Variants in PITPNA observed in about 807,000 individuals in gnomAD.
PITPNA encodes the protein phosphatidylinositol transfer protein alpha isoform.
PITPNA carries 13 observed loss-of-function variants against 50.3 expected under a neutral mutation model. The ratio of observed to expected loss-of-function variants is 0.26; its 90% CI spans 0.17 to 0.41. The LOEUF (loss-of-function observed/expected upper bound fraction) is 0.41, where lower values mean the gene tolerates loss of function less well. Among genes scored for constraint, PITPNA ranks in the 10% least tolerant of loss-of-function variants. The pLI, the probability that PITPNA is intolerant of heterozygous loss-of-function variation, is 1.00. For missense variants in PITPNA, 207 were observed against 333.4 expected, an observed-to-expected ratio of 0.62 and a Z score of 2.95; for synonymous variants, 120 against 119.6, an observed-to-expected ratio of 1.00 and a Z score of -0.02.
chr17:1,526,786 A>G (rs1257922815), intron 10 of PITPNA, among the ~76,000 whole-genome samples: 1 of 152,182 alleles, frequency 6.6e-6, no homozygotes, highest in Admixed American at 6.5e-5. Flanking sequence ...GTTTTTTGAG[A>G]CGGAGTCTTG....
chr17:1,521,853 T>G (rs1229314616), intron 10 of PITPNA, among the ~76,000 whole-genome samples: 11 of 150,294 alleles, frequency 7.3e-5, no homozygotes, highest in African/African-American at 2.7e-4. Flanking sequence ...AGTTCTCTCG[T>G]GTCACGGTGT....
intron 5 of PITPNA, among the ~76,000 whole-genome samples, chr17:1,541,959 G>A (rs553657989): frequency 6.6e-6 from 1 of 152,214 alleles, no homozygotes; most frequent in African/African-American, 2.4e-5. Flanking sequence ...CAGCACTTTG[G>A]GAGGCCGAGG....
intron 2 of PITPNA, among the ~76,000 whole-genome samples, chr17:1,557,033 C>T (rs879417616): frequency 6.6e-6 from 1 of 152,184 alleles, no homozygotes; most frequent in Admixed American, 6.5e-5. Flanking sequence ...GCCCAGGCAC[C>T]TGGTTCTCAG....
chr17:1,549,195 C>G (rs1038145499), intron 3 of PITPNA, among the ~76,000 whole-genome samples: 1 of 151,902 alleles, frequency 6.6e-6, no homozygotes, highest in African/African-American at 2.4e-5. Context: ...CATGAGCCAC[C>G]GCGCCCGGTC....
At chr17:1,532,128 C>T (rs1234788927) in intron 10 of PITPNA, among the ~76,000 whole-genome samples, 2 of 152,182 alleles carry the variant, frequency 1.3e-5, no homozygotes, top group East Asian at 3.8e-4. Flanking sequence ...TGCTCTGTCG[C>T]CCAGGCTGGA....
rs374878509 is a variant in PITPNA at position 1,546,368 on chromosome 17, C to T, written c.289+1928G>A. ...ACACATCCCAGACCCCACCAATGAC[C>T]GCAAATCTCCTGATACAAGGTCCCT... On this transcript the variant is annotated intron_variant, in intron 4 of 11. Coordinates refer to ENST00000313486, the MANE Select transcript of PITPNA (RefSeq NM_006224.4). 3.3e-5 allele frequency among the ~76,000 whole-genome samples: 5 copies of T among 152,130 alleles called. No individual in the cohort carries two copies. In the South Asian group the frequency reaches 8.3e-4, roughly 25 times the overall value.
chr17:1,559,406 C>G (rs565589468), intron 1 of PITPNA: 1 of 152,280 alleles, frequency 6.6e-6, no homozygotes, highest in Non-Finnish European at 1.5e-5. Context: ...CCAGGGCTAG[C>G]AGCACTTCTC....
intron 4 of PITPNA, among the ~76,000 whole-genome samples, chr17:1,547,901 G>C (rs1386578053): frequency 6.6e-6 from 1 of 151,988 alleles, no homozygotes; most frequent in Non-Finnish European, 1.5e-5. Flanking sequence ...GGCTGAGGCA[G>C]CAGAATTGCT....
intron 3 of PITPNA, among the ~76,000 whole-genome samples, chr17:1,550,081 G>GCTAAC (rs1379892136): frequency 5.9e-5 from 9 of 152,228 alleles, no homozygotes; most frequent in Non-Finnish European, 8.8e-5. Context: ...AGAGCAGAGA[G>GCTAAC]CTAACCTGGA....
At chr17:1,524,348 T>C (rs1317205931) in intron 10 of PITPNA, among the ~76,000 whole-genome samples, 4 of 116,456 alleles carry the variant, frequency 3.4e-5, no homozygotes, top group East Asian at 5.5e-4. Context: ...CTGGCCTTTT[T>C]TTTTTTTTTT....
intron 7 of PITPNA, among the ~76,000 whole-genome samples, chr17:1,536,454 A>ATTT (rs200916480): frequency 6.6e-6 from 1 of 151,114 alleles, no homozygotes; most frequent in Non-Finnish European, 1.5e-5. Context: ...TGCCCGGCTA[A>ATTT]TTTTTTTTGT....
At chr17:1,532,881 T>C (rs1235751325) in intron 10 of PITPNA, among the ~76,000 whole-genome samples, 1 of 152,246 alleles carries the variant, frequency 6.6e-6, no homozygotes, top group Non-Finnish European at 1.5e-5. Context: ...ACCAACTCAG[T>C]GCACCACTTA....
At chr17:1,525,821 T>C (rs1422686281) in intron 10 of PITPNA, among the ~76,000 whole-genome samples, 1 of 152,190 alleles carries the variant, frequency 6.6e-6, no homozygotes, top group Non-Finnish European at 1.5e-5. Context: ...CATGGCCAGC[T>C]TGTCATATTT....
rs1486370537 is a variant in PITPNA at position 1,562,214 on chromosome 17, G to A, written c.20+327C>T. Among the ~76,000 whole-genome samples the A allele has an allele frequency of 2.0e-5, 3 of 151,998 alleles. No homozygotes were observed. Among genetic ancestry groups the A allele is most frequent in the Non-Finnish European group, 2.9e-5 (2 of 67,976 alleles). On this transcript the variant is annotated intron_variant, in intron 1 of 11. Transcript: ENST00000313486. The surrounding 1 kb of genome is among the most constrained non-coding windows in gnomAD (Gnocchi z 6.4). ...GGCGCCTGAGGAGCCGTCCGCCCGG[G>A]TTGTCCCTCCGTGCCCGTGGGCCCC...
rs2075490922 is a variant in PITPNA at position 1,518,858 on chromosome 17, T to C, written c.*1703A>G. On this transcript the variant is annotated 3_prime_UTR_variant, in exon 12 of 12. Coordinates refer to ENST00000313486, the MANE Select transcript of PITPNA (RefSeq NM_006224.4). ...CCAGTAGGAATGCCTCTTCTCCAAC[T>C]TTCCAAGTCAGATAAATGCTACCAG... 6.6e-6 allele frequency: 1 copy of C among 152,268 alleles called. No homozygotes were observed. Among genetic ancestry groups the C allele is most frequent in the Admixed American group, 6.5e-5 (1 of 15,284 alleles). The allele number at this position is 152,268 out of a possible 1,614,324, so 9.4% of individuals were successfully genotyped here.
chr17:1,549,429 G>C (rs983708783), intron 3 of PITPNA, among the ~76,000 whole-genome samples: 1 of 149,820 alleles, frequency 6.7e-6, no homozygotes, highest in Non-Finnish European at 1.5e-5. Flanking sequence ...AGATTCTCCT[G>C]CCTCAGCCTC....
At chr17:1,527,182 C>T (rs1598403690) in intron 10 of PITPNA, among the ~76,000 whole-genome samples, 1 of 152,290 alleles carries the variant, frequency 6.6e-6, no homozygotes, top group East Asian at 1.9e-4. Flanking sequence ...GCTATACATA[C>T]ACATATAATA....
At chr17:1,521,516 G>A in intron 11 of PITPNA, 63 bp downstream of exon 11, 1 of 1,111,050 alleles carries the variant, frequency 9.0e-7, no homozygotes, top group Non-Finnish European at 1.4e-6. Flanking sequence ...GAGCTGCTGA[G>A]GCCTTGAAAC....
chr17:1,551,279 CTTTTTTTTCTTTTTT>C (rs908718969), intron 3 of PITPNA, among the ~76,000 whole-genome samples: 5 of 150,498 alleles, frequency 3.3e-5, no homozygotes, highest in African/African-American at 1.2e-4. Flanking sequence ...TTTTCTTTTT[CTTTTTTTTCTTTTTT>C]TTTTTTTGTA....
Sources: allele counts gnomAD v4.1 joint callset (sites outside exome capture counted in the v4.1 genomes callset), GRCh38; gene constraint gnomAD v4.1.1; non-coding constraint Gnocchi (gnomAD v3.1); transcripts MANE v1.5; gene names NCBI Gene and HGNC (gene_info 2026-07-23, HGNC 2026-07-21).